Variants in PALMD observed in about 807,000 individuals in gnomAD.
The protein encoded by PALMD is palmdelphin, also known as paralemmin-like protein.
Under a neutral mutation model 56.2 loss-of-function variants are expected in PALMD, and 42 were observed. That is an observed-to-expected ratio of 0.75 (90% CI 0.58 to 0.97). The LOEUF is 0.97. Among genes scored for constraint, PALMD ranks in the 50% least tolerant of loss-of-function variants. PALMD has a pLI of 0.00. For missense variants in PALMD, 660 were observed against 643.8 expected (o/e 1.03, Z -0.27); for synonymous variants, 242 against 222.9 (o/e 1.09, Z -0.76).
intron 7 of PALMD, 153 bp downstream of exon 7, chr1:99,690,025 C>G (rs1182545239): frequency 1.7e-6 from 1 of 600,886 alleles, no homozygotes; most frequent in Admixed American, 3.4e-5. Flanking sequence ...TTATTATCAC[C>G]ACAGTAAAGT....
chr1:99,674,813 G>T (rs1171160376), intron 3 of PALMD, among the ~76,000 whole-genome samples: 2 of 152,198 alleles, frequency 1.3e-5, no homozygotes, highest in Non-Finnish European at 2.9e-5. Flanking sequence ...AGTGGGAGGT[G>T]AATTAGTTTC....
intron 2 of PALMD, among the ~76,000 whole-genome samples, chr1:99,664,618 GTTGTCTAT>G (rs1652920225): frequency 6.6e-6 from 1 of 152,138 alleles, no homozygotes; most frequent in African/African-American, 2.4e-5. Context: ...GCAAAAAATA[GTTGTCTAT>G]ACCAAACAGC....
chr1:99,688,813 A>G lies in PALMD; in HGVS notation c.553A>G (p.Lys185Glu), dbSNP rs1360856891. Residue 185 changes from lysine to glutamate, a missense_variant, in exon 7 of 8, where the codon AAG (lysine) becomes GAG (glutamate). Transcript: ENST00000263174. Reference sequence around the variant, plus strand: ...GGAAATTAAAGTTGAAAAAGACTTGAAGACTGGAGAAAGTACAGTTCTGTC... The same window carrying G: ...GGAAATTAAAGTTGAAAAAGACTTGGAGACTGGAGAAAGTACAGTTCTGTC... Reference protein sequence around the residue: ...AMEIKVEKDLKTGESTVLSSI... With the variant: ...AMEIKVEKDLETGESTVLSSI... The G allele has an allele frequency of 6.2e-7, 1 of 1,608,260 alleles. No individual in the cohort carries two copies. The highest frequency in any genetic ancestry group is 1.3e-5 in the African/African-American group (1 of 74,630).
intron 2 of PALMD, 141 bp from the exon 3 acceptor site, chr1:99,667,501 A>G (rs1652992548): frequency 1.4e-6 from 1 of 730,876 alleles, no homozygotes; most frequent in Admixed American, 2.3e-5. Context: ...AAAATACCAG[A>G]TTTATTCAGG....
chr1:99,665,065 A>C (rs1181719038), intron 2 of PALMD, among the ~76,000 whole-genome samples: 2 of 152,108 alleles, frequency 1.3e-5, no homozygotes, highest in Non-Finnish European at 2.9e-5. Context: ...GCCTAGTAAT[A>C]TGATCACAAT....
At chr1:99,650,094 G>T (rs190210801) in intron 1 of PALMD, among the ~76,000 whole-genome samples, 2 of 152,016 alleles carry the variant, frequency 1.3e-5, no homozygotes, top group Non-Finnish European at 2.9e-5. Context: ...TCAGGATGGG[G>T]TTCACAAAGA....
intron 2 of PALMD, among the ~76,000 whole-genome samples, chr1:99,664,666 A>T (rs1652921464): frequency 6.6e-6 from 1 of 152,188 alleles, no homozygotes; most frequent in Non-Finnish European, 1.5e-5. Context: ...ATGGGGTTCA[A>T]AATGTGCAAA....
rs1653726593 is a variant in PALMD at position 99,694,178 on chromosome 1, G to A, written c.*116G>A. The A allele has an allele frequency of 1.5e-6, 1 of 685,004 alleles. No individual in the cohort carries two copies. The highest frequency in any genetic ancestry group is 2.8e-5 in the East Asian group (1 of 36,012). The allele number at this position is 685,004 out of a possible 1,614,324, so 42.4% of individuals were successfully genotyped here. The stretch of plus-strand genomic sequence containing the variant: ...AAGTCCAAAAAATTATCATTACAGT[G>A]TACCATATTAAGCCATGTGAATAAG... On this transcript the variant is annotated 3_prime_UTR_variant, in exon 8 of 8. Transcript: ENST00000263174.
intron 3 of PALMD, among the ~76,000 whole-genome samples, chr1:99,673,708 AC>A (rs1408442226): frequency 6.6e-6 from 1 of 152,062 alleles, no homozygotes; most frequent in African/African-American, 2.4e-5. Flanking sequence ...CAGGAGCTTC[AC>A]TTTTAACAAA....
intron 3 of PALMD, among the ~76,000 whole-genome samples, chr1:99,683,032 G>A (rs1653386500): frequency 8.2e-5 from 1 of 12,212 alleles, no homozygotes; most frequent in Non-Finnish European, 1.3e-4. Context: ...AAGAAAGAAA[G>A]AAAGAAAGAA....
intron 3 of PALMD, among the ~76,000 whole-genome samples, chr1:99,673,653 CTGT>C (rs1461336867): frequency 1.3e-5 from 2 of 152,128 alleles, no homozygotes; most frequent in Non-Finnish European, 2.9e-5. Context: ...AATAGTTCAT[CTGT>C]TGTTGTTTTC....
In PALMD at chr1:99,677,248, G is replaced by GA. The variant is rs35017951; in HGVS notation, c.252-9421dup. 2.4e-3 allele frequency among the ~76,000 whole-genome samples: 363 copies of GA among 151,850 alleles called. 10 individuals carry two copies. The East Asian group carries it at 0.067, about 28-fold the overall frequency. ...CTAATGAGTAATTCTGCAAATCAAT[G>GA]AAAAAAATTATGAAAAATCTCATAA... On this transcript the variant is annotated intron_variant, in intron 3 of 7. Coordinates refer to ENST00000263174, the MANE Select transcript of PALMD (RefSeq NM_017734.5).
At chr1:99,680,426 T>C (rs901755563) in intron 3 of PALMD, among the ~76,000 whole-genome samples, 10 of 152,158 alleles carry the variant, frequency 6.6e-5, no homozygotes, top group Non-Finnish European at 7.3e-5. Flanking sequence ...ACTCTGCTTA[T>C]CTAAATTGGC....
intron 6 of PALMD, among the ~76,000 whole-genome samples, chr1:99,687,887 G>A (rs575438963): frequency 8.9e-6 from 1 of 112,140 alleles, no homozygotes; most frequent in East Asian, 2.6e-4. Context: ...GGGTAGTCAA[G>A]GAAGGCCAAG....
chr1:99,669,219 C>T (rs770286537), intron 3 of PALMD: 2 of 152,060 alleles, frequency 1.3e-5, no homozygotes, highest in Non-Finnish European at 2.9e-5. Flanking sequence ...AAATAACTGA[C>T]TGTTCATCCT....
intron 7 of PALMD, among the ~76,000 whole-genome samples, chr1:99,691,543 C>T (rs1653651511): frequency 6.6e-6 from 1 of 152,152 alleles, no homozygotes; most frequent in African/African-American, 2.4e-5. Context: ...TATTGTTTTA[C>T]ATTGCTGTTT....
Position 99,689,612 on chromosome 1 carries a change from A to G in PALMD, c.1352A>G (p.Glu451Gly), listed in dbSNP as rs373750521. ...HAELVVIDDEEEEDEGEAEKP... is the reference protein window; with the variant it reads ...HAELVVIDDEGEEDEGEAEKP... ...GAGCTGGTTGTGATTGATGATGAGG[A>G]GGAGGAGGATGAAGGAGAAGCAGAG... The change falls in exon 7 of 8, where the codon GAG becomes GGG. Residue 451 changes from glutamate (E) to glycine (G), a missense_variant. Coordinates refer to ENST00000263174, the MANE Select transcript of PALMD (RefSeq NM_017734.5). The G allele has an allele frequency of 6.2e-7, 1 of 1,613,836 alleles. No homozygotes were observed. Among genetic ancestry groups the G allele is most frequent in the Admixed American group, 1.7e-5 (1 of 59,942 alleles).
chr1:99,671,955 T>A (rs1653097904), intron 3 of PALMD, among the ~76,000 whole-genome samples: 1 of 152,196 alleles, frequency 6.6e-6, no homozygotes, highest in African/African-American at 2.4e-5. Flanking sequence ...TGTAGAAATT[T>A]TTTACAAATG....
chr1:99,656,338 T>C, intron 1 of PALMD, among the ~76,000 whole-genome samples: 1 of 151,982 alleles, frequency 6.6e-6, no homozygotes, highest in East Asian at 1.9e-4. Flanking sequence ...ATGCCCTGGA[T>C]TCTTTCCTAA....
Sources: allele counts gnomAD v4.1 joint callset (sites outside exome capture counted in the v4.1 genomes callset), GRCh38; gene constraint gnomAD v4.1.1; transcripts MANE v1.5; gene names NCBI Gene and HGNC (gene_info 2026-07-23, HGNC 2026-07-21).